PDHX: variants seen among roughly 807,000 people sequenced by gnomAD.
PDHX encodes pyruvate dehydrogenase complex component X, also known as pyruvate dehydrogenase protein X component, mitochondrial.
PDHX carries 33 observed loss-of-function variants against 55.3 expected under a neutral mutation model. The ratio of observed to expected loss-of-function variants is 0.60; its 90% CI spans 0.45 to 0.80. PDHX has a LOEUF of 0.80. Among genes scored for constraint, PDHX ranks in the 30% least tolerant of loss-of-function variants. The pLI, the probability that PDHX is intolerant of heterozygous loss-of-function variation, is 0.00. For synonymous variants in PDHX, 226 were observed against 219.4 expected (o/e 1.03, Z -0.27); for missense variants, 622 against 619.9 (o/e 1.00, Z -0.04).
chr11:34,965,211 A>G (rs982441377), intron 5 of PDHX, among the ~76,000 whole-genome samples: 1 of 152,136 alleles, frequency 6.6e-6, no homozygotes, highest in African/African-American at 2.4e-5. Flanking sequence ...TCCTCTTCCA[A>G]GCTCATGTGG....
chr11:34,964,116 A>G, intron 5 of PDHX, among the ~76,000 whole-genome samples: 1 of 152,216 alleles, frequency 6.6e-6, no homozygotes, highest in Non-Finnish European at 1.5e-5. Context: ...GCCAGTGGCC[A>G]GAATGAATTT....
intron 1 of PDHX, among the ~76,000 whole-genome samples, chr11:34,918,479 C>T (rs1435105589): frequency 6.6e-6 from 1 of 151,362 alleles, no homozygotes; most frequent in Non-Finnish European, 1.5e-5. Flanking sequence ...CAGTTTAATG[C>T]CTTTAGAAAC....
intron 6 of PDHX, among the ~76,000 whole-genome samples, chr11:34,969,346 C>CTT (rs763366784): frequency 3.6e-5 from 5 of 138,126 alleles, no homozygotes; most frequent in South Asian, 2.3e-4. Context: ...GGTTTTTTTT[C>CTT]TTTTTTTTTT....
At chr11:34,933,850 T>A (rs1854235793) in intron 2 of PDHX, among the ~76,000 whole-genome samples, 1 of 150,544 alleles carries the variant, frequency 6.6e-6, no homozygotes, top group African/African-American at 2.5e-5. Context: ...TCACTAAGGA[T>A]AATAAGGATA....
At chr11:34,935,952 G>A (rs895356106) in intron 2 of PDHX, among the ~76,000 whole-genome samples, 1 of 152,172 alleles carries the variant, frequency 6.6e-6, no homozygotes, top group African/African-American at 2.4e-5. Context: ...TTGTAAAATA[G>A]TATCAAAAGA....
At chr11:34,922,137 A>G (rs1282592182) in intron 1 of PDHX, among the ~76,000 whole-genome samples, 1 of 152,232 alleles carries the variant, frequency 6.6e-6, no homozygotes, top group East Asian at 1.9e-4. Flanking sequence ...TGTATTGACC[A>G]GAATTGGGTC....
intron 10 of PDHX, among the ~76,000 whole-genome samples, chr11:34,994,214 T>C (rs987234507): frequency 2.6e-5 from 4 of 152,198 alleles, no homozygotes; most frequent in African/African-American, 9.7e-5. Context: ...CTGTATGATA[T>C]AGCCAGTTGC....
Position 34,946,781 on chromosome 11 carries a change from C to T in PDHX, c.242-725C>T, listed in dbSNP as rs189713934. On this transcript the variant is annotated intron_variant, in intron 2 of 10. Coordinates refer to ENST00000227868, the MANE Select transcript of PDHX (RefSeq NM_003477.3). The stretch of plus-strand genomic sequence containing the variant: ...AAGAACCCTGACTTAGCCCTAGCTC[C>T]AAATAGTGAATCTGATTTGAGTCCC... Among the ~76,000 whole-genome samples, 7 of 152,284 alleles carry T rather than the reference C, an allele frequency of 4.6e-5. 1 individual carries two copies. In the South Asian group the frequency reaches 1.2e-3, roughly 27 times the overall value.
At chr11:34,931,190 A>G (rs1854155452) in intron 1 of PDHX, among the ~76,000 whole-genome samples, 1 of 152,206 alleles carries the variant, frequency 6.6e-6, no homozygotes, top group Non-Finnish European at 1.5e-5. Context: ...CAGAGTTTAA[A>G]ATATCCCAAA....
chr11:34,987,519 AAG>A (rs758650554), intron 9 of PDHX, among the ~76,000 whole-genome samples: 15 of 151,000 alleles, frequency 9.9e-5, no homozygotes, highest in African/African-American at 3.4e-4. Flanking sequence ...GTGTATGTGT[AAG>A]AGAGAGAGAT....
intron 1 of PDHX, among the ~76,000 whole-genome samples, chr11:34,923,248 C>T (rs1853940604): frequency 6.6e-6 from 1 of 152,058 alleles, no homozygotes; most frequent in Non-Finnish European, 1.5e-5. Flanking sequence ...AGCTAGTGAT[C>T]TGCTTGATAT....
chr11:34,966,672 C>G lies in PDHX; in HGVS notation c.674C>G (p.Thr225Arg). 6.2e-7 allele frequency: 1 copy of G among 1,614,000 alleles called. No individual in the cohort carries two copies. ...CTCAAACTTGTCCAGTTGAAACAAACGGGCAAGATTACCGAGTCCAGACCA... is the reference window on the plus strand; with the variant it reads ...CTCAAACTTGTCCAGTTGAAACAAAGGGGCAAGATTACCGAGTCCAGACCA... ...DALKLVQLKQ[T>R]GKITESRPTP... is the part of the protein sequence containing the mutation. Residue 225 changes from threonine to arginine, a missense_variant, in exon 6 of 11, where the codon ACG (threonine) becomes AGG (arginine). Physicochemically the swap from Thr to Arg is moderately conservative, Grantham distance 71 (BLOSUM62 -1). Coordinates refer to ENST00000227868, the MANE Select transcript of PDHX (RefSeq NM_003477.3).
Position 34,960,504 on chromosome 11 carries a change from G to T in PDHX, c.627G>T (p.Gly209=), listed in dbSNP as rs1277281067. The T allele has an allele frequency of 6.3e-7, 1 of 1,596,736 alleles. No individual in the cohort carries two copies. The highest frequency in any genetic ancestry group is 8.6e-7 in the Non-Finnish European group (1 of 1,164,530). The part of the protein sequence containing the change: ...ASQGTATGPR[G]IFTKEDALKL... Reference sequence around the variant, plus strand: ...AGGGCACAGCCACTGGCCCTCGGGGGATATTCACTAAAGAGTATGTGTTTG... The same window carrying T: ...AGGGCACAGCCACTGGCCCTCGGGGTATATTCACTAAAGAGTATGTGTTTG... Residue 209 remains glycine (G), a synonymous_variant, in exon 5 of 11, where the codon GGG becomes GGT. Coordinates refer to ENST00000227868, the MANE Select transcript of PDHX (RefSeq NM_003477.3).
intron 3 of PDHX, among the ~76,000 whole-genome samples, chr11:34,954,094 C>A (rs1467227363): frequency 6.6e-6 from 1 of 152,156 alleles, no homozygotes; most frequent in African/African-American, 2.4e-5. Context: ...TGATTCACAC[C>A]ATGATGGAAA....
intron 1 of PDHX, among the ~76,000 whole-genome samples, chr11:34,923,694 A>G (rs1056478313): frequency 1.3e-5 from 2 of 152,126 alleles, no homozygotes; most frequent in South Asian, 2.1e-4. Flanking sequence ...ATTTTTATCT[A>G]CTACTGTCTA....
intron 1 of PDHX, among the ~76,000 whole-genome samples, chr11:34,927,360 C>T (rs1297070397): frequency 6.6e-6 from 1 of 152,026 alleles, no homozygotes; most frequent in Non-Finnish European, 1.5e-5. Flanking sequence ...TATCTTAAGG[C>T]CTTCTTAATT....
At chr11:34,987,830 A>G (rs1338568308) in intron 9 of PDHX, among the ~76,000 whole-genome samples, 4 of 152,030 alleles carry the variant, frequency 2.6e-5, no homozygotes, top group Non-Finnish European at 5.9e-5. Context: ...ATTCAGCTTT[A>G]CTGTGCAAAA....
upstream of PDHX, chr11:34,916,340 G>A: frequency 1.9e-6 from 3 of 1,597,592 alleles, no homozygotes; most frequent in Middle Eastern, 1.7e-4. Context: ...TGCGCGCGGC[G>A]CTTAGCCTGG....
intron 7 of PDHX, among the ~76,000 whole-genome samples, chr11:34,976,417 A>G (rs971387928): frequency 6.6e-6 from 1 of 152,210 alleles, no homozygotes; most frequent in African/African-American, 2.4e-5. Flanking sequence ...AAATAAAGGA[A>G]TTCAAAGAGA....
Sources: gnomAD v4.1 joint callset for allele counts (sites outside exome capture counted in the v4.1 genomes callset) on GRCh38, gnomAD v4.1.1 for gene constraint, MANE v1.5 for transcripts, NCBI Gene and HGNC (gene_info 2026-07-23, HGNC 2026-07-21) for gene names.